Variants in ENTREP2 observed in about 807,000 individuals in gnomAD.
The protein encoded by ENTREP2 is endosomal transmembrane epsin interactor 2, also known as protein ENTREP2.
the ENTREP2 span, among the ~76,000 whole-genome samples, chr15:29,664,577 A>G: frequency 6.6e-6 from 1 of 150,962 alleles, no homozygotes; most frequent in African/African-American, 2.4e-5. Flanking sequence ...TGCTTGCGTG[A>G]TGGGGTGGAG....
At chr15:29,326,580 A>G in the ENTREP2 span, among the ~76,000 whole-genome samples, 1 of 152,190 alleles carries the variant, frequency 6.6e-6, no homozygotes, top group Non-Finnish European at 1.5e-5. Context: ...ACCTAAATAA[A>G]TATAGAGATA....
chr15:29,622,546 C>T, the ENTREP2 span, among the ~76,000 whole-genome samples: 2 of 152,216 alleles, frequency 1.3e-5, no homozygotes, highest in South Asian at 4.2e-4. Context: ...TTCACCATAA[C>T]TTTTATAAAA....
the ENTREP2 span, among the ~76,000 whole-genome samples, chr15:29,557,002 A>G: frequency 1.9e-4 from 29 of 152,360 alleles, no homozygotes; most frequent in Non-Finnish European, 3.1e-4. Flanking sequence ...TTCGAAGCTG[A>G]TAAGTTTGTC....
At chr15:29,577,313 G>GGTGTGTGTGTGTGTGT in the ENTREP2 span, among the ~76,000 whole-genome samples, 694 of 139,884 alleles carry the variant, frequency 5.0e-3, 4 homozygotes, top group South Asian at 8.9e-3. Flanking sequence ...GACTCAAAGA[G>GGTGTGTGTGTGTGTGT]GTGTGTGTGT....
the ENTREP2 span, among the ~76,000 whole-genome samples, chr15:29,131,523 C>T: frequency 1.4e-5 from 2 of 147,002 alleles, no homozygotes; most frequent in African/African-American, 2.5e-5. Context: ...CTGAAGCTCC[C>T]ACAGCCAGGC....
the ENTREP2 span, among the ~76,000 whole-genome samples, chr15:29,464,016 T>G: frequency 2.0e-5 from 3 of 151,956 alleles, no homozygotes. Context: ...TCAAATTCAT[T>G]GAGATGGAAA....
At chr15:29,321,481 CAACA>C in the ENTREP2 span, among the ~76,000 whole-genome samples, 17 of 151,898 alleles carry the variant, frequency 1.1e-4, no homozygotes, top group African/African-American at 3.6e-4. Context: ...AATCCCATCT[CAACA>C]AACAAACAAA....
chr15:29,220,334 A>G, the ENTREP2 span, among the ~76,000 whole-genome samples: 1 of 152,250 alleles, frequency 6.6e-6, no homozygotes, highest in Non-Finnish European at 1.5e-5. Context: ...GATTCTGTCC[A>G]AGCTCATTAG....
At chr15:29,588,156 A>T in the ENTREP2 span, among the ~76,000 whole-genome samples, 1 of 152,172 alleles carries the variant, frequency 6.6e-6, no homozygotes, top group African/African-American at 2.4e-5. Flanking sequence ...ATATCCTGCA[A>T]TGGGGATCAA....
the ENTREP2 span, among the ~76,000 whole-genome samples, chr15:29,606,343 T>G: frequency 7.3e-5 from 11 of 151,514 alleles, no homozygotes; most frequent in Non-Finnish European, 1.6e-4. Flanking sequence ...CAAGTGATTA[T>G]CCTGCCTCAG....
At chr15:29,377,855 A>ATAATAATAATAG in the ENTREP2 span, among the ~76,000 whole-genome samples, 1 of 142,584 alleles carries the variant, frequency 7.0e-6, no homozygotes, top group Non-Finnish European at 1.5e-5. Context: ...AATAATAATA[A>ATAATAATAATAG]TAATAATAAA....
the ENTREP2 span, among the ~76,000 whole-genome samples, chr15:29,238,621 T>A: frequency 6.6e-6 from 1 of 150,692 alleles, no homozygotes; most frequent in Non-Finnish European, 1.5e-5. Context: ...GGTGACAGAG[T>A]GAGACTCCAT....
At chr15:29,561,003 C>T in the ENTREP2 span, among the ~76,000 whole-genome samples, 3 of 85,158 alleles carry the variant, frequency 3.5e-5, 1 homozygote, top group Admixed American at 3.8e-4. Flanking sequence ...GAGTAGTTGC[C>T]ACATCACTAA....
chr15:29,149,038 G>T, the ENTREP2 span, among the ~76,000 whole-genome samples: 40,525 of 151,994 alleles, frequency 0.27, 7,005 homozygotes, highest in Non-Finnish European at 0.38. Flanking sequence ...CACCATGCCC[G>T]GCTAATTTTT....
At chr15:29,306,664 A>ATTTTTTTTTTTTTT in the ENTREP2 span, among the ~76,000 whole-genome samples, 33 of 77,336 alleles carry the variant, frequency 4.3e-4, 3 homozygotes, top group Non-Finnish European at 8.7e-4. Context: ...ATAATTGGTA[A>ATTTTTTTTTTTTTT]TTTTTTTTTT....
the ENTREP2 span, among the ~76,000 whole-genome samples, chr15:29,140,037 G>T: frequency 6.6e-6 from 1 of 152,178 alleles, no homozygotes; most frequent in Non-Finnish European, 1.5e-5. Flanking sequence ...AGGGAGCTGC[G>T]GGTTTCCTGC....
At chr15:29,173,163 C>G in the ENTREP2 span, among the ~76,000 whole-genome samples, 1 of 152,156 alleles carries the variant, frequency 6.6e-6, no homozygotes, top group Non-Finnish European at 1.5e-5. Flanking sequence ...AGCCTGGGCA[C>G]GTGTCCACTC....
the ENTREP2 span, among the ~76,000 whole-genome samples, chr15:29,532,194 T>C: frequency 9.9e-5 from 15 of 152,208 alleles, no homozygotes; most frequent in Admixed American, 9.8e-4. Context: ...TTTGAATTTA[T>C]TTCGCTAAAC....
At chr15:29,510,247 C>G in the ENTREP2 span, among the ~76,000 whole-genome samples, 1 of 152,106 alleles carries the variant, frequency 6.6e-6, no homozygotes, top group Non-Finnish European at 1.5e-5. Flanking sequence ...AGTCAGGAAA[C>G]AAAAGATGCT....
Sources: allele counts gnomAD v4.1 joint callset (sites outside exome capture counted in the v4.1 genomes callset), GRCh38; gene constraint gnomAD v4.1.1; transcripts MANE v1.5; gene names NCBI Gene and HGNC (gene_info 2026-07-23, HGNC 2026-07-21).